XPR1: variants seen among roughly 807,000 people sequenced by gnomAD.
XPR1 encodes xenotropic and polytropic retrovirus receptor 1, also known as solute carrier family 53 member 1.
XPR1 carries 28 observed loss-of-function variants against 87.5 expected under a neutral mutation model. That is an observed-to-expected ratio of 0.32 (90% CI 0.24 to 0.44). The LOEUF is 0.44. Ranked by LOEUF, XPR1 falls within the 20% of genes least tolerant of loss-of-function variation. XPR1 has a pLI of 1.00. For missense variants in XPR1, 559 were observed against 862.3 expected (o/e 0.65, Z 4.41); for synonymous variants, 300 against 306.1 (o/e 0.98, Z 0.21).
At chr1:180,647,929 A>G (rs1296768406) in intron 1 of XPR1, among the ~76,000 whole-genome samples, 2 of 150,822 alleles carry the variant, frequency 1.3e-5, no homozygotes, top group African/African-American at 2.4e-5. Flanking sequence ...AAAAAAAGGA[A>G]TATGGCAGTA....
intron 2 of XPR1, among the ~76,000 whole-genome samples, chr1:180,685,215 A>G (rs916088638): frequency 3.9e-5 from 6 of 152,154 alleles, no homozygotes; most frequent in East Asian, 1.9e-4. Context: ...AATTTTGTCA[A>G]TGGCCTTTTC....
chr1:180,653,532 C>A (rs977308466), intron 1 of XPR1, among the ~76,000 whole-genome samples: 13 of 152,188 alleles, frequency 8.5e-5, no homozygotes, highest in Admixed American at 6.5e-4. Context: ...GTAGTCCCCC[C>A]CTTATCCACA....
chr1:180,649,801 C>A (rs1366075657), intron 1 of XPR1, among the ~76,000 whole-genome samples: 1 of 152,168 alleles, frequency 6.6e-6, no homozygotes, highest in Non-Finnish European at 1.5e-5. Flanking sequence ...TAACTGCAGG[C>A]TCCTGGATAT....
chr1:180,864,386 A>G (rs1331058069), intron 12 of XPR1, among the ~76,000 whole-genome samples: 1 of 152,160 alleles, frequency 6.6e-6, no homozygotes, highest in Non-Finnish European at 1.5e-5. Context: ...AGCAGTTATC[A>G]CACTGTATTA....
intron 11 of XPR1, among the ~76,000 whole-genome samples, chr1:180,861,806 T>G (rs1475991281): frequency 6.6e-6 from 1 of 152,096 alleles, no homozygotes; most frequent in Non-Finnish European, 1.5e-5. Flanking sequence ...CATTGATTCC[T>G]AGTGTTTGCT....
At position 180,813,044 on chromosome 1, in the gene XPR1, C is replaced by CA. The variant is rs1012158754; in HGVS notation, c.763+1556_763+1557insA. Among the ~76,000 whole-genome samples, 4 of 143,774 alleles carry CA rather than the reference C, an allele frequency of 2.8e-5. No individual in the cohort carries two copies. The East Asian group carries it at 7.4e-4, about 27-fold the overall frequency. 94.3% of individuals were successfully genotyped at this position (143,774 alleles called of 152,430 possible). ...TATAGCTACTAGTGTCTTTTTTCCC[C>CA]CCCCCCAATGGAAGTTAGATCATGT... On this transcript the variant is annotated intron_variant, in intron 7 of 14. Transcript: ENST00000367590.
chr1:180,709,314 T>C (rs1213648034), intron 2 of XPR1, among the ~76,000 whole-genome samples: 1 of 152,248 alleles, frequency 6.6e-6, no homozygotes, highest in Non-Finnish European at 1.5e-5. Context: ...TTTAATAAAC[T>C]GTATATATTT....
chr1:180,799,782 A>G lies in XPR1; in HGVS notation c.224-3606A>G, dbSNP rs543239666. On this transcript the variant is annotated intron_variant, in intron 3 of 14. Transcript: ENST00000367590. Reference sequence around the variant, plus strand: ...CTGCTGCCTGGTGAGTAGCTGCATTATCAGATGTGTAGCTGCATGCCAGGG... The same window carrying G: ...CTGCTGCCTGGTGAGTAGCTGCATTGTCAGATGTGTAGCTGCATGCCAGGG... Among the ~76,000 whole-genome samples, 7 of 152,316 alleles carry G rather than the reference A, an allele frequency of 4.6e-5. No individual in the cohort carries two copies. The East Asian group carries it at 5.8e-4, about 13-fold the overall frequency.
At position 180,834,872 on chromosome 1, in the gene XPR1, A is replaced by G; in HGVS notation, c.1135-2A>G. The G allele has an allele frequency of 6.3e-7, 1 of 1,581,988 alleles. No homozygotes were observed. Among genetic ancestry groups the G allele is most frequent in the South Asian group, 1.2e-5 (1 of 85,094 alleles). On this transcript the variant is annotated splice_acceptor_variant, in intron 9 of 14. Transcript: ENST00000367590. LOFTEE classifies it high-confidence loss of function. ...TGTTTTCTGATTTTTTTTTTCTTTC[A>G]GTTTCGAGTATTTACAGCCCCCTTC...
chr1:180,875,179 T>C (rs530182740), intron 13 of XPR1, among the ~76,000 whole-genome samples: 147 of 152,310 alleles, frequency 9.7e-4, no homozygotes, highest in African/African-American at 3.0e-3. Flanking sequence ...AGTACATGTC[T>C]GATAACCCCA....
intron 2 of XPR1, among the ~76,000 whole-genome samples, chr1:180,786,340 C>T (rs538224821): frequency 5.9e-5 from 9 of 152,116 alleles, no homozygotes; most frequent in Admixed American, 3.9e-4. Flanking sequence ...GACCATTTTC[C>T]TTATTCCTAG....
intron 2 of XPR1, among the ~76,000 whole-genome samples, chr1:180,763,024 G>T (rs1015856180): frequency 4.6e-5 from 7 of 152,184 alleles, no homozygotes; most frequent in East Asian, 1.9e-4. Context: ...AAGCTGGACT[G>T]TATGACAACC....
rs775112437 is a variant in XPR1 at position 180,740,380 on chromosome 1, T to C, written c.122-47373T>C. Among the ~76,000 whole-genome samples, 55 of 152,264 alleles carry C rather than the reference T, an allele frequency of 3.6e-4. 1 individual carries two copies. Among genetic ancestry groups the C allele is most frequent in the Non-Finnish European group, 6.8e-4 (46 of 68,006 alleles). On this transcript the variant is annotated intron_variant, in intron 2 of 14. Transcript: ENST00000367590. Reference sequence around the variant, plus strand: ...TGAGAGATTTTATTGTTGATGGACATGGAGTTTTGTCACATGCTTTTTATG... The same window carrying C: ...TGAGAGATTTTATTGTTGATGGACACGGAGTTTTGTCACATGCTTTTTATG...
chr1:180,852,260 C>T (rs1010187888), intron 11 of XPR1, among the ~76,000 whole-genome samples: 1 of 151,820 alleles, frequency 6.6e-6, no homozygotes, highest in Admixed American at 6.6e-5. Flanking sequence ...ACATGCATGG[C>T]AAGAAGTAAT....
chr1:180,803,996 T>C (rs1437814489), intron 4 of XPR1, among the ~76,000 whole-genome samples: 1 of 151,634 alleles, frequency 6.6e-6, no homozygotes, highest in African/African-American at 2.4e-5. Flanking sequence ...TTTTTTTTTT[T>C]CTTTTTTGAA....
chr1:180,701,444 C>G lies in XPR1; in HGVS notation c.121+19033C>G, dbSNP rs1214360943. Reference sequence around the variant, plus strand: ...AGCATGAAGGGTTGTTGAATTTTGTCAAAGGCTTTTTCTGCATCTATTGAG... The same window carrying G: ...AGCATGAAGGGTTGTTGAATTTTGTGAAAGGCTTTTTCTGCATCTATTGAG... On this transcript the variant is annotated intron_variant, in intron 2 of 14. Transcript: ENST00000367590. 9.3e-5 allele frequency among the ~76,000 whole-genome samples: 12 copies of G among 128,540 alleles called. 1 individual carries two copies. In the East Asian group the frequency reaches 1.4e-3, roughly 15 times the overall value. 84.3% of individuals were successfully genotyped at this position (128,540 alleles called of 152,430 possible).
chr1:180,809,462 T>C (rs1461547257), intron 6 of XPR1, among the ~76,000 whole-genome samples: 1 of 152,214 alleles, frequency 6.6e-6, no homozygotes, highest in Non-Finnish European at 1.5e-5. Flanking sequence ...ATCCTAAGCA[T>C]ATTATTGTCA....
chr1:180,796,785 A>G (rs1397213945), intron 3 of XPR1, among the ~76,000 whole-genome samples: 1 of 152,232 alleles, frequency 6.6e-6, no homozygotes, highest in Non-Finnish European at 1.5e-5. Flanking sequence ...TCAAGTGTAA[A>G]CAAAATATAT....
chr1:180,738,949 C>G (rs1413593147), intron 2 of XPR1, among the ~76,000 whole-genome samples: 1 of 152,010 alleles, frequency 6.6e-6, no homozygotes, highest in African/African-American at 2.4e-5. Context: ...ATCTTTTTGT[C>G]TAACCTATGG....
Sources: gnomAD v4.1 joint callset for allele counts (sites outside exome capture counted in the v4.1 genomes callset) on GRCh38, gnomAD v4.1.1 for gene constraint, MANE v1.5 for transcripts, NCBI Gene and HGNC (gene_info 2026-07-23, HGNC 2026-07-21) for gene names.